Variants in ZC3H3 observed in about 807,000 individuals in gnomAD.
The protein encoded by ZC3H3 is zinc finger CCCH-type containing 3.
A neutral mutation model predicts 77.3 loss-of-function variants in ZC3H3; 36 were observed. That is an observed-to-expected ratio of 0.47 (90% CI 0.36 to 0.61). The LOEUF (loss-of-function observed/expected upper bound fraction) is 0.61. Among genes scored for constraint, ZC3H3 ranks in the 20% least tolerant of loss-of-function variants. The probability of loss-of-function intolerance (pLI) is 0.00; values close to 1 mark genes in which losing one functional copy is unlikely to be tolerated. For synonymous variants in ZC3H3, 626 were observed against 555.2 expected, an observed-to-expected ratio of 1.13 and a Z score of -1.79; for missense variants, 1,331 against 1,312.2, an observed-to-expected ratio of 1.01 and a Z score of -0.22.
At chr8:143,515,197 C>T (rs1821994820) in intron 3 of ZC3H3, among the ~76,000 whole-genome samples, 3 of 152,254 alleles carry the variant, frequency 2.0e-5, no homozygotes, top group African/African-American at 2.4e-5. Flanking sequence ...TTCTCTTCCC[C>T]GACCACACAT....
At chr8:143,503,230 G>A (rs976779989) in intron 4 of ZC3H3, among the ~76,000 whole-genome samples, 1 of 152,190 alleles carries the variant, frequency 6.6e-6, no homozygotes, top group African/African-American at 2.4e-5. Flanking sequence ...GTGGCACCGT[G>A]GATGCCACCC....
chr8:143,536,431 C>T lies in ZC3H3; in HGVS notation c.1387G>A (p.Gly463Ser), dbSNP rs1041197969. The change falls in exon 3 of 12, where the codon GGC becomes AGC. Residue 463 changes from glycine (G) to serine (S), a missense_variant. This residue lies in a region of ZC3H3 where 978 missense variants were observed against 915.5 expected (regional missense o/e 1.07). Transcript: ENST00000262577. ...TTGGCGGTGGCGGCAGGTGAGGTGC[C>T]GCTTTTCTTGTCTCCAGGAAGGCTG... is the stretch of plus-strand genomic sequence containing the variant. ...STSLPGDKKS[G>S]TSPAATAKSH... is the part of the protein sequence containing the mutation. 10 of 1,530,834 alleles carry T rather than the reference C, an allele frequency of 6.5e-6. No individual in the cohort carries two copies. The highest frequency in any genetic ancestry group is 3.6e-5 in the South Asian group (3 of 82,646). The allele number at this position is 1,530,834 out of a possible 1,614,324, so 94.8% of individuals were successfully genotyped here.
intron 9 of ZC3H3, among the ~76,000 whole-genome samples, chr8:143,452,580 T>C (rs985209634): frequency 1.3e-5 from 2 of 151,978 alleles, no homozygotes; most frequent in African/African-American, 4.8e-5. Context: ...CACTTCTACA[T>C]GCAATACAAA....
At position 143,440,110 on chromosome 8, in the gene ZC3H3, G is replaced by C; in HGVS notation, c.2746C>G (p.Gln916Glu). The part of the protein sequence containing the change: ...LCKLPSFISL[Q>E]SSPSPGAQPR... ...TGGGCTCCTGGGCTCGGCGAGGACTGCAGGGAGATGAAGGAAGGCAGCTTG... is the reference window on the plus strand; with the variant it reads ...TGGGCTCCTGGGCTCGGCGAGGACTCCAGGGAGATGAAGGAAGGCAGCTTG... The change falls in exon 11 of 12, where the codon CAG becomes GAG. Residue 916 changes from glutamine to glutamate, a missense_variant. This residue lies in a region of ZC3H3 where 249 missense variants were observed against 236.9 expected (regional missense o/e 1.05). Coordinates refer to ENST00000262577, the MANE Select transcript of ZC3H3 (RefSeq NM_015117.3). 2.5e-6 allele frequency: 4 copies of C among 1,609,748 alleles called. No individual in the cohort carries two copies. Among genetic ancestry groups the C allele is most frequent in the Admixed American group, 1.7e-5 (1 of 59,642 alleles).
intron 1 of ZC3H3, among the ~76,000 whole-genome samples, chr8:143,541,048 G>A (rs1461149568): frequency 2.0e-5 from 3 of 152,242 alleles, no homozygotes; most frequent in Non-Finnish European, 4.4e-5. Flanking sequence ...CCGCAGTGGG[G>A]CGCGGGGAGA....
intron 2 of ZC3H3, among the ~76,000 whole-genome samples, chr8:143,536,777 G>A (rs1466257390): frequency 6.6e-6 from 1 of 152,120 alleles, no homozygotes. Flanking sequence ...CCAGGAAAAA[G>A]GAGCCTCTAC....
intron 4 of ZC3H3, among the ~76,000 whole-genome samples, chr8:143,490,901 C>T (rs528271661): frequency 8.7e-5 from 13 of 148,622 alleles, no homozygotes; most frequent in Admixed American, 2.0e-4. Context: ...AGCAAGACTC[C>T]GTCTCAAAAT....
At chr8:143,534,858 C>T (rs954877085) in intron 3 of ZC3H3, among the ~76,000 whole-genome samples, 4 of 152,078 alleles carry the variant, frequency 2.6e-5, no homozygotes, top group African/African-American at 7.2e-5. Context: ...AGCCGACCAG[C>T]GCCCCCAGCC....
intron 8 of ZC3H3, 29 bp from the exon 9 acceptor site, chr8:143,465,877 G>A (rs1202188744): frequency 6.2e-7 from 1 of 1,600,408 alleles, no homozygotes; most frequent in Non-Finnish European, 8.5e-7. Flanking sequence ...GTGAGGGCCA[G>A]CAGGCAGCCA....
At chr8:143,500,398 T>A (rs1821489194) in intron 4 of ZC3H3, among the ~76,000 whole-genome samples, 2 of 152,182 alleles carry the variant, frequency 1.3e-5, no homozygotes, top group African/African-American at 2.4e-5. Flanking sequence ...CATGCCAGCC[T>A]GTAACAGGGT....
rs372346446 is a variant in ZC3H3, at chr8:143,541,432, C to T, written c.-11G>A. The stretch of plus-strand genomic sequence containing the variant: ...CTCCTTTTCCTCCATCTCCCGAGTC[C>T]GCGACGGCCGGCCAGGCCCCCACGA... On this transcript the variant is annotated 5_prime_UTR_variant, in exon 1 of 12. Transcript: ENST00000262577. 1.9e-6 allele frequency: 3 copies of T among 1,611,536 alleles called. No homozygotes were observed. The highest frequency in any genetic ancestry group is 8.5e-7 in the Non-Finnish European group (1 of 1,179,302).
At position 143,493,435 on chromosome 8, in the gene ZC3H3, C is replaced by T. The variant is rs1821261705; in HGVS notation, c.1715+14311G>A. Among the ~76,000 whole-genome samples the T allele has an allele frequency of 6.6e-6, 1 of 152,224 alleles. No homozygotes were observed. Among genetic ancestry groups the T allele is most frequent in the Non-Finnish European group, 1.5e-5 (1 of 68,030 alleles). On this transcript the variant is annotated intron_variant, in intron 4 of 11. Coordinates refer to ENST00000262577, the MANE Select transcript of ZC3H3 (RefSeq NM_015117.3). The surrounding 1 kb of genome is among the most constrained non-coding windows in gnomAD (Gnocchi z 4.8). Reference sequence around the variant, plus strand: ...TCTCCTCCCTCTTCCCTACCCCAAACCACCAAGGCCGAGGCTGCAGGAGGG... The same window carrying T: ...TCTCCTCCCTCTTCCCTACCCCAAATCACCAAGGCCGAGGCTGCAGGAGGG...
At chr8:143,537,153 T>G (rs969155715) in intron 2 of ZC3H3, among the ~76,000 whole-genome samples, 1 of 152,182 alleles carries the variant, frequency 6.6e-6, no homozygotes, top group African/African-American at 2.4e-5. Flanking sequence ...ATGGAGTCCC[T>G]GAGCCCAGAC....
intron 11 of ZC3H3, among the ~76,000 whole-genome samples, chr8:143,438,886 T>C (rs1819652058): frequency 1.3e-5 from 2 of 152,220 alleles, no homozygotes; most frequent in African/African-American, 4.8e-5. Context: ...ACACAGGCTC[T>C]GACCCGTCAG....
At position 143,475,461 on chromosome 8, in the gene ZC3H3, T is replaced by C. The variant is rs768268658; in HGVS notation, c.1840A>G (p.Asn614Asp). 6.2e-7 allele frequency: 1 copy of C among 1,613,158 alleles called. No homozygotes were observed. Among genetic ancestry groups the C allele is most frequent in the Non-Finnish European group, 8.5e-7 (1 of 1,179,950 alleles). Reference sequence around the variant, plus strand: ...TGGCCGGAGGTCTTGGAGAGCTTGTTGGCAGATACTTTGTAGAGGACCCCT... The same window carrying C: ...TGGCCGGAGGTCTTGGAGAGCTTGTCGGCAGATACTTTGTAGAGGACCCCT... ...IGGVLYKVSA[N>D]KLSKTSGQPS... The change falls in exon 5 of 12, where the codon AAC becomes GAC. Residue 614 changes from asparagine (N) to aspartate (D), a missense_variant. Physicochemically the swap from Asn to Asp is conservative, Grantham distance 23 (BLOSUM62 1). Around this residue, in one of 3 missense-constraint regions of ZC3H3, gnomAD observed 978 missense variants for 915.5 expected, o/e 1.07. Transcript: ENST00000262577.
chr8:143,475,272 A>G (rs1237218763), intron 5 of ZC3H3, 126 bp downstream of exon 5: 21 of 1,201,626 alleles, frequency 1.7e-5, no homozygotes, highest in Non-Finnish European at 2.3e-5. Context: ...CCTCCCCAAG[A>G]CAGGGGCGTG....
intron 3 of ZC3H3, among the ~76,000 whole-genome samples, chr8:143,526,020 G>A (rs1020430248): frequency 6.6e-5 from 10 of 152,246 alleles, no homozygotes; most frequent in African/African-American, 2.4e-4. Context: ...TGCTGACGAT[G>A]TGGGGGGCCT....
rs138613022 is a variant in ZC3H3 at position 143,530,779 on chromosome 8, T to C, written c.1561+5478A>G. On this transcript the variant is annotated intron_variant, in intron 3 of 11. Coordinates refer to ENST00000262577, the MANE Select transcript of ZC3H3 (RefSeq NM_015117.3). This position sits in a 1 kb window ranked among gnomAD's most constrained non-coding sequence, Gnocchi z 4.3. ...TCGAGAACACTGATTGCCACAGTTA[T>C]GTGAGTGGCAAACAGGACACCATTT... is the stretch of plus-strand genomic sequence containing the variant. Among the ~76,000 whole-genome samples the C allele has an allele frequency of 6.6e-4, 100 of 152,262 alleles. No homozygotes were observed. The highest frequency in any genetic ancestry group is 2.2e-3 in the African/African-American group (93 of 41,536).
chr8:143,465,688 G>A (rs371777669), intron 9 of ZC3H3, 29 bp downstream of exon 9: 58 of 1,611,112 alleles, frequency 3.6e-5, no homozygotes, highest in Admixed American at 5.0e-5. Context: ...CAGGAACCCC[G>A]CCCACTCGGG....
Sources: allele counts gnomAD v4.1 joint callset (sites outside exome capture counted in the v4.1 genomes callset), GRCh38; gene constraint gnomAD v4.1.1; regional missense constraint gnomAD v4.1.1; non-coding constraint Gnocchi (gnomAD v3.1); transcripts MANE v1.5; gene names NCBI Gene and HGNC (gene_info 2026-07-23, HGNC 2026-07-21).